The following JAK2 variants were observed in gnomAD, a reference collection of about 807,000 sequenced individuals.
JAK2 encodes the protein Janus kinase 2.
Under a neutral mutation model 139.3 loss-of-function variants are expected in JAK2, and 86 were observed. The ratio of observed to expected loss-of-function variants is 0.62; its 90% CI spans 0.52 to 0.74. The LOEUF (loss-of-function observed/expected upper bound fraction) is 0.74. Ranked by LOEUF, JAK2 falls within the 30% of genes least tolerant of loss-of-function variation. The probability of loss-of-function intolerance (pLI) is 0.00; values close to 1 mark genes in which losing one functional copy is unlikely to be tolerated. For synonymous variants in JAK2, 490 were observed against 437.7 expected, an observed-to-expected ratio of 1.12 and a Z score of -1.49; for missense variants, 1,421 against 1,360.3, an observed-to-expected ratio of 1.04 and a Z score of -0.70.
chr9:5,034,096 C>G (rs1349584020), intron 4 of JAK2, among the ~76,000 whole-genome samples: 1 of 152,062 alleles, frequency 6.6e-6, no homozygotes, highest in African/African-American at 2.4e-5. Context: ...CAATCCTAGT[C>G]TCGGATAAAA....
chr9:5,005,467 T>C (rs1821236387), intron 2 of JAK2, among the ~76,000 whole-genome samples: 1 of 152,200 alleles, frequency 6.6e-6, no homozygotes, highest in Non-Finnish European at 1.5e-5. Context: ...AAATCTGGTA[T>C]AATGATTGAT....
At chr9:5,066,562 G>C (rs530226669) in intron 9 of JAK2, 116 bp from the exon 10 acceptor site, 681 of 647,756 alleles carry the variant, frequency 1.1e-3, no homozygotes, top group Non-Finnish European at 1.5e-3. Context: ...AACATATAAA[G>C]TAGAGGAGAC....
intron 8 of JAK2, among the ~76,000 whole-genome samples, chr9:5,063,239 T>C (rs900858211): frequency 7.2e-5 from 11 of 152,346 alleles, no homozygotes; most frequent in African/African-American, 2.6e-4. Context: ...TATTGCTTTA[T>C]GATTTTTCCT....
Position 5,055,757 on chromosome 9 carries a change from T to C in JAK2, c.1025T>C (p.Val342Ala). 1 of 1,610,936 alleles carries C rather than the reference T, an allele frequency of 6.2e-7. No homozygotes were observed. The highest frequency in any genetic ancestry group is 8.5e-7 in the Non-Finnish European group (1 of 1,177,784). Residue 342 changes from valine (V) to alanine (A), a missense_variant, in exon 8 of 25, where the codon GTA becomes GCA. Coordinates refer to ENST00000381652, the MANE Select transcript of JAK2 (RefSeq NM_004972.4). Reference protein sequence around the residue: ...NQEGSNESRVVTIHKQDGKNL... With the variant: ...NQEGSNESRVATIHKQDGKNL... ...GAGGGTTCAAATGAAAGCCGAGTTG[T>C]AACTATCCATAAGCAAGATGGTAAA... is the stretch of plus-strand genomic sequence containing the variant.
chr9:5,055,944 T>C (rs1031472879), intron 8 of JAK2, among the ~76,000 whole-genome samples, 156 bp downstream of exon 8: 1 of 152,052 alleles, frequency 6.6e-6, no homozygotes, highest in African/African-American at 2.4e-5. Context: ...TTTGATAACA[T>C]CTAGCTTTTT....
At chr9:5,002,312 T>C (rs531037934) in intron 2 of JAK2, among the ~76,000 whole-genome samples, 1 of 152,090 alleles carries the variant, frequency 6.6e-6, no homozygotes, top group Admixed American at 6.5e-5. Context: ...CTATTTTAGC[T>C]GTATTCCCCC....
chr9:5,124,938 A>T (rs1207890974), intron 23 of JAK2, among the ~76,000 whole-genome samples: 1 of 151,562 alleles, frequency 6.6e-6, no homozygotes, highest in East Asian at 1.9e-4. Context: ...ACTAGCTTGA[A>T]TTTTTAAAAA....
chr9:5,046,783 T>G (rs542301757), intron 5 of JAK2, among the ~76,000 whole-genome samples: 1 of 128,338 alleles, frequency 7.8e-6, no homozygotes, highest in South Asian at 2.2e-4. Context: ...CTTCTAAGAA[T>G]AGCCTTTTGA....
chr9:5,111,738 G>A (rs1042846261), intron 22 of JAK2: 10 of 429,270 alleles, frequency 2.3e-5, no homozygotes, highest in African/African-American at 2.0e-4. Flanking sequence ...GTGGGCTACC[G>A]GCTGCACGGA....
At chr9:5,105,546 T>C (rs888162511) in intron 22 of JAK2, among the ~76,000 whole-genome samples, 2 of 152,132 alleles carry the variant, frequency 1.3e-5, no homozygotes, top group Non-Finnish European at 2.9e-5. Context: ...ACTTTTTTCA[T>C]AGAACTGGAA....
At chr9:5,041,077 A>G in intron 4 of JAK2, 1 of 695,914 alleles carries the variant, frequency 1.4e-6, no homozygotes, top group South Asian at 1.5e-5. Context: ...CAGGTCTACT[A>G]CCTACTACAG....
chr9:5,127,558 G>GT lies in JAK2; in HGVS notation c.*773dup, dbSNP rs369216687. 95 of 231,212 alleles carry GT rather than the reference G, an allele frequency of 4.1e-4. No homozygotes were observed. The highest frequency in any genetic ancestry group is 1.8e-3 in the African/African-American group (82 of 45,302). The allele number at this position is 231,212 out of a possible 1,614,324, so 14.3% of individuals were successfully genotyped here. The stretch of plus-strand genomic sequence containing the variant: ...CCTTGTATCTATTTGTGGTGAATGT[G>GT]TTTTTTAAATGGAACTATCTCCAAA... On this transcript the variant is annotated 3_prime_UTR_variant, in exon 25 of 25. Transcript: ENST00000381652.
At chr9:5,021,931 C>T (rs1822457818) in intron 2 of JAK2, 32 bp from the exon 3 acceptor site, 2 of 1,327,230 alleles carry the variant, frequency 1.5e-6, no homozygotes, top group African/African-American at 1.4e-5. Flanking sequence ...CTGCGCCCAG[C>T]CCATTTGTAA....
At chr9:5,111,262 GCA>G in intron 22 of JAK2, 1 of 505,440 alleles carries the variant, frequency 2.0e-6, no homozygotes, top group Non-Finnish European at 3.8e-6. Flanking sequence ...GCAGGCGTGC[GCA>G]GCCTGACTCA....
rs564549350 is a variant in JAK2 at position 5,018,616 on chromosome 9, G to A, written c.-25-3347G>A. Among the ~76,000 whole-genome samples the A allele has an allele frequency of 1.6e-3, 250 of 152,342 alleles. 1 individual carries two copies. The highest frequency in any genetic ancestry group is 3.0e-3 in the Non-Finnish European group (206 of 68,028). On this transcript the variant is annotated intron_variant, in intron 2 of 24. Coordinates refer to ENST00000381652, the MANE Select transcript of JAK2 (RefSeq NM_004972.4). ...AGCCACCCAAAGTGCTAGGATTACA[G>A]GCTTGAGCCACTGTGCCTGGCCTGA...
At chr9:5,077,036 TTATGTC>T (rs1287126671) in intron 14 of JAK2, among the ~76,000 whole-genome samples, 1 of 151,996 alleles carries the variant, frequency 6.6e-6, no homozygotes. Flanking sequence ...AAATTCTCCT[TTATGTC>T]TATAGTACTA....
At chr9:5,000,901 C>A (rs1820888972) in intron 2 of JAK2, among the ~76,000 whole-genome samples, 1 of 152,198 alleles carries the variant, frequency 6.6e-6, no homozygotes, top group Admixed American at 6.5e-5. Context: ...CTGTCAGGTT[C>A]TTTCCTGTTT....
intron 2 of JAK2, among the ~76,000 whole-genome samples, chr9:5,017,813 T>G (rs1364711404): frequency 1.3e-5 from 2 of 152,258 alleles, no homozygotes; most frequent in African/African-American, 2.4e-5. Context: ...TTGTTGTTGT[T>G]GTTTTGATAC....
At chr9:5,126,287 C>T (rs984340873) in intron 23 of JAK2, 46 bp from the exon 24 acceptor site, 8 of 1,350,692 alleles carry the variant, frequency 5.9e-6, no homozygotes, top group Non-Finnish European at 7.3e-6. Flanking sequence ...AAGAATTTTG[C>T]TACAAATTAA....
Sources: allele counts gnomAD v4.1 joint callset (sites outside exome capture counted in the v4.1 genomes callset), GRCh38; gene constraint gnomAD v4.1.1; transcripts MANE v1.5; gene names NCBI Gene and HGNC (gene_info 2026-07-23, HGNC 2026-07-21).